The following PPARGC1B variants were observed in gnomAD, a reference collection of about 807,000 sequenced individuals.
PPARGC1B encodes peroxisome proliferator-activated receptor gamma coactivator 1-beta.
Under a neutral mutation model 101.6 loss-of-function variants are expected in PPARGC1B, and 34 were observed. The observed-to-expected ratio is 0.33, with a 90% CI of 0.25 to 0.45. PPARGC1B has a LOEUF of 0.45. PPARGC1B is among the 20% of genes least tolerant of loss of function. The pLI, the probability that PPARGC1B is intolerant of heterozygous loss-of-function variation, is 1.00. For synonymous variants in PPARGC1B, 548 were observed against 539.3 expected (o/e 1.02, Z -0.22); for missense variants, 1,234 against 1,317.6 (o/e 0.94, Z 0.98).
intron 1 of PPARGC1B, among the ~76,000 whole-genome samples, chr5:149,747,536 AG>A: frequency 6.6e-6 from 1 of 152,328 alleles, no homozygotes; most frequent in South Asian, 2.1e-4. Flanking sequence ...AGGCATGACC[AG>A]GGCCCCGCCC....
At chr5:149,745,519 C>T (rs567588950) in intron 1 of PPARGC1B, among the ~76,000 whole-genome samples, 6 of 152,294 alleles carry the variant, frequency 3.9e-5, no homozygotes, top group African/African-American at 7.2e-5. Context: ...CATAGAGTGT[C>T]TGTCATGAAC....
Position 149,794,524 on chromosome 5 carries a change from G to GCA in PPARGC1B, c.79-25880_79-25879dup, listed in dbSNP as rs35484083. ...TGCATACGCTCATGTATGTGAGCGT[G>GCA]CACACACACACACACACACACACAC... On this transcript the variant is annotated intron_variant, in intron 1 of 11. Coordinates refer to ENST00000309241, the MANE Select transcript of PPARGC1B (RefSeq NM_133263.4). Among the ~76,000 whole-genome samples, 1,432 of 143,658 alleles carry GCA rather than the reference G, an allele frequency of 1.0e-2. 16 individuals are homozygous for GCA. Among genetic ancestry groups the GCA allele is most frequent in the African/African-American group, 0.028 (1,125 of 40,184 alleles). 94.2% of individuals were successfully genotyped at this position (143,658 alleles called of 152,430 possible).
At chr5:149,757,858 A>G (rs1411655929) in intron 1 of PPARGC1B, among the ~76,000 whole-genome samples, 1 of 152,246 alleles carries the variant, frequency 6.6e-6, no homozygotes, top group Non-Finnish European at 1.5e-5. Context: ...ACAGGGCTGG[A>G]GCCCACAGAC....
At chr5:149,771,028 C>T (rs182003117) in intron 1 of PPARGC1B, among the ~76,000 whole-genome samples, 6 of 152,148 alleles carry the variant, frequency 3.9e-5, no homozygotes, top group African/African-American at 1.4e-4. Context: ...CTTTGAAGGC[C>T]CCTCATCATT....
At chr5:149,741,711 C>G (rs1754914512) in intron 1 of PPARGC1B, among the ~76,000 whole-genome samples, 1 of 151,734 alleles carries the variant, frequency 6.6e-6, no homozygotes, top group Admixed American at 6.6e-5. Context: ...CACTGCAACC[C>G]CCTCCTCCCA....
intron 1 of PPARGC1B, among the ~76,000 whole-genome samples, chr5:149,735,772 T>A (rs1419606228): frequency 6.6e-6 from 1 of 152,212 alleles, no homozygotes; most frequent in Non-Finnish European, 1.5e-5. Flanking sequence ...CTACTCTCAG[T>A]TTTTGTTCAT....
intron 3 of PPARGC1B, among the ~76,000 whole-genome samples, chr5:149,829,873 G>A (rs540841504): frequency 6.6e-6 from 1 of 151,280 alleles, no homozygotes; most frequent in East Asian, 2.0e-4. Context: ...CCATCTCTAC[G>A]AAAATACAAA....
At chr5:149,835,434 A>C in intron 7 of PPARGC1B, 69 bp downstream of exon 7, 16 of 1,394,368 alleles carry the variant, frequency 1.1e-5, no homozygotes, top group Non-Finnish European at 1.6e-5. Context: ...GTTTTTCATC[A>C]TGCATGGGCA....
chr5:149,785,793 GC>G (rs1756781357), intron 1 of PPARGC1B, among the ~76,000 whole-genome samples: 1 of 152,170 alleles, frequency 6.6e-6, no homozygotes, highest in South Asian at 2.1e-4. Flanking sequence ...ACTAAATGAG[GC>G]CAGAGAATAG....
chr5:149,809,704 A>G (rs921544212), intron 1 of PPARGC1B, among the ~76,000 whole-genome samples: 1 of 151,582 alleles, frequency 6.6e-6, no homozygotes, highest in African/African-American at 2.4e-5. Flanking sequence ...AAAAAAAAAA[A>G]AAAAAAAAAA....
At chr5:149,766,950 A>C (rs1755932356) in intron 1 of PPARGC1B, among the ~76,000 whole-genome samples, 1 of 152,140 alleles carries the variant, frequency 6.6e-6, no homozygotes, top group Non-Finnish European at 1.5e-5. Flanking sequence ...TGAGGAGGAA[A>C]CAGAACCAGC....
intron 1 of PPARGC1B, among the ~76,000 whole-genome samples, chr5:149,787,908 T>TTATACAA (rs1284224881): frequency 6.6e-6 from 1 of 152,206 alleles, no homozygotes; most frequent in Non-Finnish European, 1.5e-5. Context: ...TCCTTACACC[T>TTATACAA]TATACAAAAA....
intron 1 of PPARGC1B, among the ~76,000 whole-genome samples, chr5:149,800,250 C>T (rs1392480290): frequency 1.3e-5 from 2 of 152,158 alleles, no homozygotes; most frequent in African/African-American, 4.8e-5. Flanking sequence ...ACGTTAACAT[C>T]CCCTTCCACC....
chr5:149,790,805 A>G (rs1367806713), intron 1 of PPARGC1B, among the ~76,000 whole-genome samples: 2 of 152,116 alleles, frequency 1.3e-5, no homozygotes, highest in African/African-American at 4.8e-5. Context: ...CCTGGGCCTC[A>G]GGAATCTGGA....
intron 1 of PPARGC1B, among the ~76,000 whole-genome samples, chr5:149,763,536 T>G (rs866449042): frequency 7.2e-4 from 101 of 140,304 alleles, no homozygotes; most frequent in African/African-American, 2.2e-3. Flanking sequence ...GTTTTTTTTT[T>G]TTTTTTTTTT....
chr5:149,756,466 A>T (rs1393685991), intron 1 of PPARGC1B, among the ~76,000 whole-genome samples: 1 of 152,202 alleles, frequency 6.6e-6, no homozygotes, highest in Non-Finnish European at 1.5e-5. Flanking sequence ...AGAAAAACAA[A>T]AAACAAAAAA....
chr5:149,819,491 TTTGTTTTTTTTTGTTTGTTTTTC>T lies in PPARGC1B; in HGVS notation c.79-941_79-919del, dbSNP rs560162482. Among the ~76,000 whole-genome samples the T allele has an allele frequency of 4.2e-3, 623 of 148,876 alleles. 4 individuals carry two copies. The highest frequency in any genetic ancestry group is 0.015 in the African/African-American group (602 of 39,832). On this transcript the variant is annotated intron_variant, in intron 1 of 11. Transcript: ENST00000309241. ...ATGGGTGTTTGTTTGTTTGTTTGTT[TTTGTTTTTTTTTGTTTGTTTTTC>T]GTTTTTTTGAGACAGTTTCCATCTG...
intron 1 of PPARGC1B, among the ~76,000 whole-genome samples, chr5:149,791,255 AC>A (rs1468345736): frequency 1.3e-5 from 2 of 150,848 alleles, no homozygotes; most frequent in Admixed American, 1.3e-4. Flanking sequence ...TCCCACTACT[AC>A]ATTCCAGCCT....
At chr5:149,742,259 C>T (rs1426591750) in intron 1 of PPARGC1B, among the ~76,000 whole-genome samples, 2 of 152,214 alleles carry the variant, frequency 1.3e-5, no homozygotes, top group Non-Finnish European at 1.5e-5. Flanking sequence ...GGGGCCCCGC[C>T]ATGAAGTGTC....
Sources: allele counts gnomAD v4.1 joint callset (sites outside exome capture counted in the v4.1 genomes callset), GRCh38; gene constraint gnomAD v4.1.1; transcripts MANE v1.5; gene names NCBI Gene and HGNC (gene_info 2026-07-23, HGNC 2026-07-21).